ZNF624: variants seen among roughly 807,000 people sequenced by gnomAD.
ZNF624 encodes zinc finger protein 624.
In ZNF624, 43 loss-of-function variants were observed where a neutral mutation model predicts 74.7. The observed-to-expected ratio is 0.58, with a 90% CI of 0.45 to 0.74. The LOEUF is 0.74. Ranked by LOEUF, ZNF624 falls within the 30% of genes least tolerant of loss-of-function variation. ZNF624 has a pLI of 0.00. For missense variants in ZNF624, 820 were observed against 1,030.0 expected, an observed-to-expected ratio of 0.80 and a Z score of 2.79; for synonymous variants, 331 against 341.3, an observed-to-expected ratio of 0.97 and a Z score of 0.33.
At chr17:16,630,462 G>T (rs780552860) in intron 5 of ZNF624, among the ~76,000 whole-genome samples, 1 of 152,050 alleles carries the variant, frequency 6.6e-6, no homozygotes, top group African/African-American at 2.4e-5. Context: ...GAGGCTGAGC[G>T]AGTAGAATCG....
chr17:16,616,993 C>A (rs1908804560), downstream of ZNF624: 1 of 1,605,476 alleles, frequency 6.2e-7, no homozygotes, highest in Admixed American at 1.7e-5. Flanking sequence ...ACGGGACTGG[C>A]TCCTTGATCT....
intron 2 of ZNF624, among the ~76,000 whole-genome samples, chr17:16,649,089 C>A (rs2142658246): frequency 6.6e-6 from 1 of 152,302 alleles, no homozygotes; most frequent in South Asian, 2.1e-4. Context: ...CTACTGTTCA[C>A]CCAAATAATG....
Position 16,622,714 on chromosome 17 carries a change from A to G in ZNF624, c.2172T>C (p.Phe724=). The G allele has an allele frequency of 1.2e-6, 2 of 1,613,878 alleles. No homozygotes were observed. Among genetic ancestry groups the G allele is most frequent in the Non-Finnish European group, 1.7e-6 (2 of 1,179,980 alleles). The part of the protein sequence containing the change: ...HQRTHTGEKP[F]KCNDCGKAFS... ...ATGCTTTCCCACAGTCATTACATTT[A>G]AATGGTTTCTCTCCAGTATGTGTTC... Residue 724 remains phenylalanine (F), a synonymous_variant, in exon 6 of 6, where the codon TTT becomes TTC. Transcript: ENST00000311331.
Position 16,634,541 on chromosome 17 carries a change from C to T in ZNF624, c.280+89G>A, listed in dbSNP as rs147460215. ...AACAATGTGCCCCTAAAATCAAGTA[C>T]TTCAGTTAAGTACTTTAGAGGCCCT... is the stretch of plus-strand genomic sequence containing the variant. On this transcript the variant is annotated intron_variant, in intron 4 of 5. Coordinates refer to ENST00000311331, the MANE Select transcript of ZNF624 (RefSeq NM_020787.4). 42 of 1,432,340 alleles carry T rather than the reference C, an allele frequency of 2.9e-5. No homozygotes were observed. The African/African-American group carries it at 5.1e-4, about 17-fold the overall frequency. 88.7% of individuals were successfully genotyped at this position (1,432,340 alleles called of 1,614,324 possible).
At chr17:16,617,690 G>T, downstream of ZNF624, 2 of 1,605,214 alleles carry the variant, frequency 1.2e-6, no homozygotes, top group South Asian at 2.2e-5. Context: ...CTACGATCAC[G>T]CGCTCGCCGC....
At chr17:16,652,222 C>T (rs1909742907) in intron 1 of ZNF624, among the ~76,000 whole-genome samples, 1 of 152,032 alleles carries the variant, frequency 6.6e-6, no homozygotes, top group Non-Finnish European at 1.5e-5. Context: ...TATGATGTTG[C>T]ATATTACTTC....
At chr17:16,617,519 T>C (rs1908814176), downstream of ZNF624, 2 of 1,586,948 alleles carry the variant, frequency 1.3e-6, no homozygotes, top group Non-Finnish European at 1.7e-6. Context: ...TCTCTCCAAC[T>C]GCACAGACTA....
At chr17:16,646,758 A>T (rs1909602583) in intron 3 of ZNF624, among the ~76,000 whole-genome samples, 1 of 152,230 alleles carries the variant, frequency 6.6e-6, no homozygotes, top group Non-Finnish European at 1.5e-5. Flanking sequence ...TTAATAGTAA[A>T]TGGTAAGTCA....
At chr17:16,645,942 T>C (rs575594615) in intron 3 of ZNF624, among the ~76,000 whole-genome samples, 177 of 57,254 alleles carry the variant, frequency 3.1e-3, no homozygotes, top group African/African-American at 0.017. Flanking sequence ...CGAGACTCCA[T>C]CTCAAAAAAA....
chr17:16,649,589 AG>A, intron 2 of ZNF624, 68 bp downstream of exon 2: 2 of 1,419,490 alleles, frequency 1.4e-6, no homozygotes, highest in South Asian at 2.3e-5. Context: ...AGAAGTCGCA[AG>A]CCTTCAGGCA....
chr17:16,616,819 T>C (rs576060125), downstream of ZNF624: 68 of 996,536 alleles, frequency 6.8e-5, no homozygotes, highest in East Asian at 1.6e-3. Flanking sequence ...TGTTCCATAA[T>C]AGTGTGCAGA....
Position 16,647,324 on chromosome 17 carries a change from A to G in ZNF624, c.153+5T>C. 2 of 1,612,358 alleles carry G rather than the reference A, an allele frequency of 1.2e-6. No individual in the cohort carries two copies. The highest frequency in any genetic ancestry group is 1.7e-6 in the Non-Finnish European group (2 of 1,178,362). ...ATTCATTATATGTACAACAGTAGGT[A>G]TTACCTTTACCAATTGTGTTTCTTC... On this transcript the variant is annotated splice_donor_5th_base_variant and intron_variant, in intron 3 of 5. Transcript: ENST00000311331.
At chr17:16,616,962 A>C, downstream of ZNF624, 1 of 1,591,766 alleles carries the variant, frequency 6.3e-7, no homozygotes, top group Non-Finnish European at 8.6e-7. Flanking sequence ...TTCAGGGTGG[A>C]CCAGGTAGCG....
chr17:16,644,516 T>C (rs1909541010), intron 3 of ZNF624, among the ~76,000 whole-genome samples: 1 of 152,160 alleles, frequency 6.6e-6, no homozygotes, highest in Non-Finnish European at 1.5e-5. Flanking sequence ...TACCCAAAAA[T>C]TGTTGATTCT....
intron 3 of ZNF624, among the ~76,000 whole-genome samples, chr17:16,645,945 C>CAAAAA (rs35486112): frequency 0.086 from 4,805 of 55,666 alleles, 359 homozygotes; most frequent in East Asian, 0.29. Flanking sequence ...GACTCCATCT[C>CAAAAA]AAAAAAAAAA....
intron 4 of ZNF624, 63 bp downstream of exon 4, chr17:16,634,567 T>G (rs943153440): frequency 3.2e-6 from 5 of 1,559,044 alleles, no homozygotes; most frequent in Non-Finnish European, 4.3e-6. Context: ...TAGAGGCCCT[T>G]TATCTTTGGC....
downstream of ZNF624, among the ~76,000 whole-genome samples, chr17:16,620,104 A>T (rs118004616): frequency 4.5e-3 from 685 of 152,306 alleles, 3 homozygotes; most frequent in Non-Finnish European, 7.9e-3. Context: ...TGTTAAATAC[A>T]TATTTACCCT....
At chr17:16,651,307 G>A (rs1248088176) in intron 1 of ZNF624, among the ~76,000 whole-genome samples, 18 of 152,060 alleles carry the variant, frequency 1.2e-4, no homozygotes, top group Admixed American at 1.2e-3. Flanking sequence ...GTGCACGCCT[G>A]TAGTCCCAGC....
intron 1 of ZNF624, among the ~76,000 whole-genome samples, chr17:16,651,357 G>A (rs1909718227): frequency 1.3e-5 from 2 of 151,828 alleles, no homozygotes; most frequent in South Asian, 2.1e-4. Flanking sequence ...TTGAACTTGG[G>A]AGGTGGAGGT....
Sources: gnomAD v4.1 joint callset for allele counts (sites outside exome capture counted in the v4.1 genomes callset) on GRCh38, gnomAD v4.1.1 for gene constraint, MANE v1.5 for transcripts, NCBI Gene and HGNC (gene_info 2026-07-23, HGNC 2026-07-21) for gene names.